DNAH2: variants seen among roughly 807,000 people sequenced by gnomAD.
The protein encoded by DNAH2 is axonemal beta dynein heavy chain 2.
A neutral mutation model predicts 523.5 loss-of-function variants in DNAH2; 323 were observed. The observed-to-expected ratio is 0.62, with a 90% CI of 0.56 to 0.68. The LOEUF (loss-of-function observed/expected upper bound fraction) is 0.68. Among genes scored for constraint, DNAH2 ranks in the 30% least tolerant of loss-of-function variants. The pLI is 0.00. For synonymous variants in DNAH2, 2,093 were observed against 2,177.4 expected, an observed-to-expected ratio of 0.96 and a Z score of 1.08; for missense variants, 4,907 against 5,701.5, an observed-to-expected ratio of 0.86 and a Z score of 4.49.
chr17:7,756,999 C>A, intron 12 of DNAH2, 92 bp from the exon 13 acceptor site: 1 of 1,557,020 alleles, frequency 6.4e-7, no homozygotes, highest in Non-Finnish European at 8.8e-7. Flanking sequence ...TCGACATTTC[C>A]CTGTGCTTCC....
Position 7,778,439 on chromosome 17 carries a change from C to T in DNAH2, c.5511C>T (p.Ser1837=). Reference sequence around the variant, plus strand: ...GCTCTGAGGGCCTGGACTACAAGTCCATGGGCCGAATGTACTCAGGTCTGG... The same window carrying T: ...GCTCTGAGGGCCTGGACTACAAGTCTATGGGCCGAATGTACTCAGGTCTGG... ...VNCSEGLDYK[S]MGRMYSGLAQ... Residue 1837 remains serine, a synonymous_variant, in exon 35 of 86, where the codon TCC becomes TCT. Coordinates refer to ENST00000572933, the MANE Select transcript of DNAH2 (RefSeq NM_020877.5). 6.2e-7 allele frequency: 1 copy of T among 1,614,158 alleles called. No homozygotes were observed. The highest frequency in any genetic ancestry group is 8.5e-7 in the Non-Finnish European group (1 of 1,180,028).
In DNAH2 at chr17:7,778,447, G is replaced by C; in HGVS notation, c.5519G>C (p.Arg1840Pro). Residue 1840 changes from arginine to proline, a missense_variant, in exon 35 of 86, where the codon CGA (arginine) becomes CCA (proline). Arg to Pro is a moderately radical substitution (Grantham distance 103, BLOSUM62 -2). Coordinates refer to ENST00000572933, the MANE Select transcript of DNAH2 (RefSeq NM_020877.5). ...SEGLDYKSMG[R>P]MYSGLAQTGA... Reference sequence around the variant, plus strand: ...GGCCTGGACTACAAGTCCATGGGCCGAATGTACTCAGGTCTGGCCCAGGTC... The same window carrying C: ...GGCCTGGACTACAAGTCCATGGGCCCAATGTACTCAGGTCTGGCCCAGGTC... The C allele has an allele frequency of 1.2e-6, 2 of 1,614,060 alleles. No individual in the cohort carries two copies. Among genetic ancestry groups the C allele is most frequent in the South Asian group, 1.1e-5 (1 of 91,072 alleles).
intron 12 of DNAH2, among the ~76,000 whole-genome samples, chr17:7,749,308 C>CAAAGAAAAAAAAAAAAAAAAAAAAAAAAA (rs2075609120): frequency 5.6e-5 from 1 of 17,766 alleles, no homozygotes; most frequent in Non-Finnish European, 8.1e-5. Context: ...AACTCCCCCC[C>CAAAGAAAAAAAAAAAAAAAAAAAAAAAAA]AAAAAAAAAA....
chr17:7,780,998 G>A lies in DNAH2; in HGVS notation c.6004-44G>A, dbSNP rs1243172765. The A allele has an allele frequency of 6.2e-7, 1 of 1,613,024 alleles. No homozygotes were observed. Among genetic ancestry groups the A allele is most frequent in the East Asian group, 2.2e-5 (1 of 44,880 alleles). ...AAGCCCTTTGGAGGTGAAAGGCCTA[G>A]GCCCTGCCTCCTCAAGCCTGAGTCT... On this transcript the variant is annotated intron_variant, in intron 38 of 85. Transcript: ENST00000572933. The surrounding 1 kb of genome is among the most constrained non-coding windows in gnomAD (Gnocchi z 4.4).
chr17:7,820,644 T>G (rs1467400845), intron 72 of DNAH2, among the ~76,000 whole-genome samples: 2 of 152,224 alleles, frequency 1.3e-5, no homozygotes, highest in African/African-American at 4.8e-5. Context: ...TCTCCGAGAC[T>G]GTGGCTTATT....
intron 64 of DNAH2, 32 bp downstream of exon 64, chr17:7,816,767 C>T (rs1196964394): frequency 6.2e-7 from 1 of 1,606,912 alleles, no homozygotes; most frequent in Non-Finnish European, 8.5e-7. Context: ...GGTGTCCTTT[C>T]ACTCTGCTCG....
Position 7,758,578 on chromosome 17 carries a change from T to A in DNAH2, c.2135T>A (p.Leu712His). 2 of 1,614,180 alleles carry A rather than the reference T, an allele frequency of 1.2e-6. No individual in the cohort carries two copies. The highest frequency in any genetic ancestry group is 1.7e-6 in the Non-Finnish European group (2 of 1,180,036). ...CTGGATAAGAAGATCCACCCGGGAC[T>A]CAAGAAACTGCACTGGGCCTTGAAG... The part of the protein sequence containing the change: ...RLLDKKIHPG[L>H]KKLHWALKGA... The change falls in exon 14 of 86, where the codon CTC (leucine) becomes CAC (histidine). Residue 712 changes from leucine to histidine, a missense_variant. By Grantham distance (99) the Leu-to-His change is moderately conservative. Transcript: ENST00000572933.
rs2078186574 is a variant in DNAH2, at chr17:7,831,884, G to A, written c.12726+109G>A. On this transcript the variant is annotated intron_variant, in intron 82 of 85. Transcript: ENST00000572933. This position sits in a 1 kb window ranked among gnomAD's most constrained non-coding sequence, Gnocchi z 4.2. ...GGCATAAAGCAAACTGCAGAGAGCCGAAACTTTGAAGTTAGATAGGTTCAA... is the reference window on the plus strand; with the variant it reads ...GGCATAAAGCAAACTGCAGAGAGCCAAAACTTTGAAGTTAGATAGGTTCAA... The A allele has an allele frequency of 9.4e-6, 9 of 952,926 alleles. No homozygotes were observed. Among genetic ancestry groups the A allele is most frequent in the Non-Finnish European group, 1.2e-5 (8 of 648,350 alleles). 59.0% of individuals were successfully genotyped at this position (952,926 alleles called of 1,614,324 possible). A position where few individuals can be genotyped will look rare whatever the true frequency, so the allele number is the denominator to read the frequency against.
At chr17:7,793,880 C>A (rs781193611) in intron 48 of DNAH2, among the ~76,000 whole-genome samples, 1 of 151,760 alleles carries the variant, frequency 6.6e-6, no homozygotes, top group Non-Finnish European at 1.5e-5. Context: ...TGAGAGAGAA[C>A]ATACACACAC....
intron 8 of DNAH2, chr17:7,739,033 C>T (rs1243103194): frequency 1.4e-6 from 1 of 702,248 alleles, no homozygotes; most frequent in Non-Finnish European, 2.6e-6. Flanking sequence ...ACTGAAGAAC[C>T]AAAAGCTAAC....
intron 48 of DNAH2, among the ~76,000 whole-genome samples, chr17:7,793,485 TTC>T (rs1385166846): frequency 1.5e-4 from 21 of 135,790 alleles, no homozygotes; most frequent in Non-Finnish European, 3.6e-4. Flanking sequence ...CTTTCTTTCT[TTC>T]TTTCTTTCTT....
chr17:7,779,780 T>C (rs1173458057), intron 36 of DNAH2, among the ~76,000 whole-genome samples: 3 of 152,102 alleles, frequency 2.0e-5, no homozygotes, highest in Non-Finnish European at 4.4e-5. Flanking sequence ...GGAACAACTC[T>C]GGGGGAAGGG....
Position 7,760,824 on chromosome 17 carries a change from AG to A in DNAH2, c.2871del (p.Thr958ProfsTer97). On this transcript the variant is annotated frameshift_variant, in exon 18 of 86. Coordinates refer to ENST00000572933, the MANE Select transcript of DNAH2 (RefSeq NM_020877.5). LOFTEE classifies it high-confidence loss of function. The surrounding 1 kb of genome is among the most constrained non-coding windows in gnomAD (Gnocchi z 4.0). ...GCAAGCCTGCTGCAGAACTACCTCA[AG>A]ACCTGGGACATGTACCGGGAGATCT... ...NNASLLQNYL[K>X]TWDMYREIWE... 6.2e-7 allele frequency: 1 copy of A among 1,614,216 alleles called. No individual in the cohort carries two copies. Among genetic ancestry groups the A allele is most frequent in the South Asian group, 1.1e-5 (1 of 91,086 alleles).
intron 64 of DNAH2, 42 bp downstream of exon 64, chr17:7,816,777 G>A (rs766755333): frequency 1.1e-5 from 17 of 1,600,430 alleles, no homozygotes; most frequent in Admixed American, 1.7e-5. Context: ...CACTCTGCTC[G>A]CCACTTCCGA....
Position 7,780,502 on chromosome 17 carries a change from G to A in DNAH2, c.5851-128G>A, listed in dbSNP as rs894074233. ...CGTCATTCACACAATTTCCTCAGGAGAATCCATAGAGTGCCTCCTAGCTGC... is the reference window on the plus strand; with the variant it reads ...CGTCATTCACACAATTTCCTCAGGAAAATCCATAGAGTGCCTCCTAGCTGC... On this transcript the variant is annotated intron_variant, in intron 37 of 85. Coordinates refer to ENST00000572933, the MANE Select transcript of DNAH2 (RefSeq NM_020877.5). This position sits in a 1 kb window ranked among gnomAD's most constrained non-coding sequence, Gnocchi z 4.4. 10 of 1,437,618 alleles carry A rather than the reference G, an allele frequency of 7.0e-6. No individual in the cohort carries two copies. Among genetic ancestry groups the A allele is most frequent in the African/African-American group, 2.8e-5 (2 of 70,634 alleles). The allele number at this position is 1,437,618 out of a possible 1,614,324, so 89.1% of individuals were successfully genotyped here.
intron 45 of DNAH2, 67 bp downstream of exon 45, chr17:7,792,136 A>G (rs1447113106): frequency 1.9e-6 from 3 of 1,601,648 alleles, no homozygotes; most frequent in Non-Finnish European, 2.6e-6. Flanking sequence ...CCCCCATCTC[A>G]GGCTCTGCTT....
At chr17:7,787,321 T>C (rs924240511) in intron 42 of DNAH2, 9 of 499,894 alleles carry the variant, frequency 1.8e-5, no homozygotes, top group Non-Finnish European at 3.2e-5. Flanking sequence ...GACCCTCGTT[T>C]GTGCACCCAG....
chr17:7,783,814 CAAAA>C (rs1183983591), intron 39 of DNAH2, among the ~76,000 whole-genome samples: 2 of 145,270 alleles, frequency 1.4e-5, no homozygotes, highest in Non-Finnish European at 3.0e-5. Flanking sequence ...AAAAAAAAAA[CAAAA>C]AACAGAACCT....
chr17:7,806,412 C>T (rs1430991575), intron 61 of DNAH2, among the ~76,000 whole-genome samples: 1 of 152,040 alleles, frequency 6.6e-6, no homozygotes, highest in African/African-American at 2.4e-5. Context: ...AATCCCAGCA[C>T]TTTGGGAGGC....
Sources: gnomAD v4.1 joint callset for allele counts (sites outside exome capture counted in the v4.1 genomes callset) on GRCh38, gnomAD v4.1.1 for gene constraint, Gnocchi (gnomAD v3.1) non-coding constraint, MANE v1.5 for transcripts, NCBI Gene and HGNC (gene_info 2026-07-23, HGNC 2026-07-21) for gene names.